FLRT1: variants seen among roughly 807,000 people sequenced by gnomAD.
FLRT1 encodes the protein leucine-rich repeat transmembrane protein FLRT1.
FLRT1 carries 14 observed loss-of-function variants against 30.9 expected under a neutral mutation model. That is an observed-to-expected ratio of 0.45 (90% CI 0.30 to 0.71). The LOEUF (loss-of-function observed/expected upper bound fraction) is 0.71, where lower values mean the gene tolerates loss of function less well. Among genes scored for constraint, FLRT1 ranks in the 30% least tolerant of loss-of-function variants. FLRT1 has a pLI of 0.08. For missense variants in FLRT1, 737 were observed against 949.2 expected (o/e 0.78, Z 2.94); for synonymous variants, 368 against 430.4 (o/e 0.85, Z 1.80).
rs1944320336 is a variant in FLRT1 at position 64,082,418 on chromosome 11, AAGGTGAGGGGCAGGC to A, written c.-1037-20764_-1037-20750del. 6.6e-6 allele frequency among the ~76,000 whole-genome samples: 1 copy of A among 151,760 alleles called. No individual in the cohort carries two copies. Among genetic ancestry groups the A allele is most frequent in the South Asian group, 2.1e-4 (1 of 4,788 alleles). Reference sequence around the variant, plus strand: ...AGGGAGCCTGAAGTGGGGGCGTCCTAAGGTGAGGGGCAGGCAGGTGAGGGGCTTGAGGGCAGGGCT... The same window carrying A: ...AGGGAGCCTGAAGTGGGGGCGTCCTAAGGTGAGGGGCTTGAGGGCAGGGCT... On this transcript the variant is annotated intron_variant, in intron 1 of 2. Coordinates refer to ENST00000682287, the MANE Select transcript of FLRT1 (RefSeq NM_013280.5). This position sits in a 1 kb window ranked among gnomAD's most constrained non-coding sequence, Gnocchi z 4.5.
intron 2 of FLRT1, among the ~76,000 whole-genome samples, chr11:64,108,206 G>A (rs1407884098): frequency 6.6e-6 from 1 of 151,966 alleles, no homozygotes; most frequent in Admixed American, 6.6e-5. Flanking sequence ...ACAGCTACGC[G>A]GGAGGCTGAG....
intron 1 of FLRT1, among the ~76,000 whole-genome samples, chr11:64,091,026 G>A (rs1383766428): frequency 6.6e-6 from 1 of 151,294 alleles, no homozygotes; most frequent in African/African-American, 2.4e-5. Context: ...GGGGGAGGAG[G>A]GAGGGGAGAA....
intron 1 of FLRT1, among the ~76,000 whole-genome samples, chr11:64,081,411 A>C (rs377180519): frequency 6.6e-6 from 1 of 152,178 alleles, no homozygotes; most frequent in Admixed American, 6.5e-5. Flanking sequence ...TTACAACAGC[A>C]CTGTGGTCCT....
chr11:64,077,849 C>CTTCA (rs1362909805), intron 1 of FLRT1, among the ~76,000 whole-genome samples: 1 of 152,230 alleles, frequency 6.6e-6, no homozygotes, highest in Non-Finnish European at 1.5e-5. Context: ...TATGGGTGGG[C>CTTCA]TTCAGGAGCC....
At chr11:64,105,152 G>A (rs1265945031) in intron 2 of FLRT1, among the ~76,000 whole-genome samples, 5 of 152,238 alleles carry the variant, frequency 3.3e-5, no homozygotes, top group South Asian at 4.1e-4. Context: ...GCTATTTGCT[G>A]TTATTTATTA....
intron 1 of FLRT1, among the ~76,000 whole-genome samples, chr11:64,091,726 A>G (rs1415358129): frequency 6.6e-6 from 1 of 152,192 alleles, no homozygotes; most frequent in Non-Finnish European, 1.5e-5. Context: ...CCCCACCTGG[A>G]CACTGGCCAT....
intron 1 of FLRT1, among the ~76,000 whole-genome samples, chr11:64,051,463 C>T (rs1943693737): frequency 2.6e-5 from 4 of 152,208 alleles, no homozygotes; most frequent in Admixed American, 2.6e-4. Flanking sequence ...CTGATTGAGT[C>T]TCATTGTTGT....
In FLRT1 at chr11:64,065,511, C is replaced by T. The variant is rs1163698295; in HGVS notation, c.-1038+29352C>T. ...AGGACTTAAAAGATGAACAAGGGGC[C>T]AGGCGCGGTGGCTCATGCCTGTAAT... On this transcript the variant is annotated intron_variant, in intron 1 of 2. Transcript: ENST00000682287. Among the ~76,000 whole-genome samples the T allele has an allele frequency of 7.2e-5, 11 of 152,166 alleles. No homozygotes were observed. In the South Asian group the frequency reaches 1.9e-3, roughly 26 times the overall value.
At chr11:64,045,327 C>A (rs1054267849) in intron 1 of FLRT1, among the ~76,000 whole-genome samples, 1 of 152,242 alleles carries the variant, frequency 6.6e-6, no homozygotes, top group African/African-American at 2.4e-5. Flanking sequence ...CTCCTGGAAT[C>A]CTATTAAAAG....
chr11:64,100,786 A>G (rs1208626987), intron 1 of FLRT1, among the ~76,000 whole-genome samples: 1 of 152,156 alleles, frequency 6.6e-6, no homozygotes, highest in Non-Finnish European at 1.5e-5. Flanking sequence ...CCACTTATCC[A>G]GGGCACAGAC....
rs141706700 is a variant in FLRT1 at position 64,083,755 on chromosome 11, G to A, written c.-1037-19439G>A. On this transcript the variant is annotated intron_variant, in intron 1 of 2. Transcript: ENST00000682287. ...CTAGTGTGTGGAATGGGGGTTCGGT[G>A]ACTCCTGAAGGGCCCCAGCCCCAAA... is the stretch of plus-strand genomic sequence containing the variant. Among the ~76,000 whole-genome samples, 323 of 152,310 alleles carry A rather than the reference G, an allele frequency of 2.1e-3. 5 individuals are homozygous for A. The Middle Eastern group carries it at 0.037, about 18-fold the overall frequency.
At chr11:64,077,000 G>T (rs1006554030) in intron 1 of FLRT1, among the ~76,000 whole-genome samples, 3 of 152,112 alleles carry the variant, frequency 2.0e-5, no homozygotes, top group African/African-American at 7.2e-5. Flanking sequence ...GATGGGAGCT[G>T]TCGCTAGGCC....
At chr11:64,091,464 T>A (rs1002304751) in intron 1 of FLRT1, among the ~76,000 whole-genome samples, 1 of 73,542 alleles carries the variant, frequency 1.4e-5, no homozygotes, top group Non-Finnish European at 2.7e-5. Context: ...GGGAGGTGGA[T>A]GTGGGGGACG....
chr11:64,090,014 C>G lies in FLRT1; in HGVS notation c.-1037-13180C>G, dbSNP rs1485281763. On this transcript the variant is annotated intron_variant, in intron 1 of 2. Coordinates refer to ENST00000682287, the MANE Select transcript of FLRT1 (RefSeq NM_013280.5). The surrounding 1 kb of genome is among the most constrained non-coding windows in gnomAD (Gnocchi z 4.7). ...AGCACTTATGACAAGGCCCTCCATC[C>G]AAGTAACAAACAAAAGGGAAACACA... Among the ~76,000 whole-genome samples the G allele has an allele frequency of 6.6e-6, 1 of 152,134 alleles. No homozygotes were observed. The highest frequency in any genetic ancestry group is 6.5e-5 in the Admixed American group (1 of 15,280).
intron 1 of FLRT1, among the ~76,000 whole-genome samples, chr11:64,074,966 C>T (rs919795370): frequency 6.6e-6 from 1 of 152,216 alleles, no homozygotes; most frequent in Non-Finnish European, 1.5e-5. Context: ...CAGTTGGGCT[C>T]CTGACCACTG....
chr11:64,064,993 G>C lies in FLRT1; in HGVS notation c.-1038+28834G>C, dbSNP rs1013690210. ...TCCCTACACTCCAGAGCACAGGCTA[G>C]TTGGAACAAGCCAGAGGCGGGCAAT... On this transcript the variant is annotated intron_variant, in intron 1 of 2. Transcript: ENST00000682287. This position sits in a 1 kb window ranked among gnomAD's most constrained non-coding sequence, Gnocchi z 4.5. Among the ~76,000 whole-genome samples the C allele has an allele frequency of 6.6e-6, 1 of 152,220 alleles. No individual in the cohort carries two copies. The highest frequency in any genetic ancestry group is 1.5e-5 in the Non-Finnish European group (1 of 68,046).
At chr11:64,037,350 G>A (rs1397265288) in intron 1 of FLRT1, among the ~76,000 whole-genome samples, 1 of 151,978 alleles carries the variant, frequency 6.6e-6, no homozygotes, top group Non-Finnish European at 1.5e-5. Flanking sequence ...GGAGGCAGCC[G>A]CCGCGCTCAG....
intron 2 of FLRT1, among the ~76,000 whole-genome samples, chr11:64,110,846 C>T (rs1436644813): frequency 1.3e-5 from 2 of 152,166 alleles, no homozygotes; most frequent in African/African-American, 4.8e-5. Context: ...GGCAAGCAGG[C>T]ACCCAGGCAA....
rs139051254 is a variant in FLRT1 at position 64,095,092 on chromosome 11, G to C, written c.-1037-8102G>C. The stretch of plus-strand genomic sequence containing the variant: ...AAATGAAAAGGAAAATATACAATGA[G>C]AGGCACTAAGGAAACCTCAGAGGAA... On this transcript the variant is annotated intron_variant, in intron 1 of 2. Transcript: ENST00000682287. Among the ~76,000 whole-genome samples, 86 of 152,172 alleles carry C rather than the reference G, an allele frequency of 5.7e-4. 2 individuals are homozygous for C. Among genetic ancestry groups the C allele is most frequent in the African/African-American group, 1.7e-3 (70 of 41,420 alleles).
Sources: allele counts gnomAD v4.1 joint callset (sites outside exome capture counted in the v4.1 genomes callset), GRCh38; gene constraint gnomAD v4.1.1; non-coding constraint Gnocchi (gnomAD v3.1); transcripts MANE v1.5; gene names NCBI Gene and HGNC (gene_info 2026-07-23, HGNC 2026-07-21).